HPSE2: variants seen among roughly 807,000 people sequenced by gnomAD.
HPSE2 encodes inactive heparanase-2.
Under a neutral mutation model 60.5 loss-of-function variants are expected in HPSE2, and 38 were observed. The observed-to-expected ratio is 0.63, with a 90% CI of 0.48 to 0.82. The LOEUF (loss-of-function observed/expected upper bound fraction) is 0.82, where lower values mean the gene tolerates loss of function less well. Among genes scored for constraint, HPSE2 ranks in the 40% least tolerant of loss-of-function variants. HPSE2 has a pLI of 0.00. For synonymous variants in HPSE2, 295 were observed against 293.2 expected, an observed-to-expected ratio of 1.01 and a Z score of -0.06; for missense variants, 713 against 740.4, an observed-to-expected ratio of 0.96 and a Z score of 0.43.
chr10:98,515,602 T>C (rs1564932618), intron 9 of HPSE2, among the ~76,000 whole-genome samples: 1 of 152,204 alleles, frequency 6.6e-6, no homozygotes, highest in Non-Finnish European at 1.5e-5. Context: ...CAGTTAAACC[T>C]GAAGGATATA....
chr10:98,868,078 AAAAT>A (rs34543812), intron 3 of HPSE2, among the ~76,000 whole-genome samples: 104,456 of 139,846 alleles, frequency 0.75, 39,018 homozygotes, highest in Admixed American at 0.8. Context: ...AGAAAGAAAG[AAAAT>A]AAATAAATAA....
rs540334928 is a variant in HPSE2 at position 98,741,025 on chromosome 10, CAAT to C, written c.784+2855_784+2857del. Among the ~76,000 whole-genome samples, 9 of 152,120 alleles carry C rather than the reference CAAT, an allele frequency of 5.9e-5. No individual in the cohort carries two copies. The South Asian group carries it at 1.9e-3, about 32-fold the overall frequency. ...AGAAACAGCAAAATAAATCTTCAAA[CAAT>C]AAAATGTATTCTTTAGACTCTAAAA... On this transcript the variant is annotated intron_variant, in intron 4 of 11. Transcript: ENST00000370552.
At chr10:99,045,783 A>C (rs1957841400) in intron 3 of HPSE2, among the ~76,000 whole-genome samples, 1 of 152,176 alleles carries the variant, frequency 6.6e-6, no homozygotes, top group African/African-American at 2.4e-5. Flanking sequence ...AGATTGACTC[A>C]GGAAGAGATT....
intron 7 of HPSE2, among the ~76,000 whole-genome samples, chr10:98,624,313 G>A (rs2133994239): frequency 6.6e-6 from 1 of 152,278 alleles, no homozygotes; most frequent in Non-Finnish European, 1.5e-5. Flanking sequence ...TCATGTGGAA[G>A]GTGGTATCTG....
At chr10:98,753,810 T>C (rs932852297) in intron 3 of HPSE2, among the ~76,000 whole-genome samples, 2 of 152,074 alleles carry the variant, frequency 1.3e-5, no homozygotes, top group East Asian at 1.9e-4. Flanking sequence ...TATACCACAG[T>C]CAAACCTTCA....
At position 99,135,821 on chromosome 10, in the gene HPSE2, T is replaced by A. The variant is rs146578280; in HGVS notation, c.610+8417A>T. 4.1e-3 allele frequency among the ~76,000 whole-genome samples: 623 copies of A among 152,012 alleles called. 6 individuals carry two copies. Among genetic ancestry groups the A allele is most frequent in the African/African-American group, 0.014 (597 of 41,478 alleles). On this transcript the variant is annotated intron_variant, in intron 3 of 11. Transcript: ENST00000370552. The stretch of plus-strand genomic sequence containing the variant: ...AATTCTTTTAATTTTAACATCAAAA[T>A]TAAAAGAATTAGAGAAGCAACAGCA...
chr10:99,079,754 C>T (rs1257229662), intron 3 of HPSE2, among the ~76,000 whole-genome samples: 1 of 152,100 alleles, frequency 6.6e-6, no homozygotes, highest in African/African-American at 2.4e-5. Flanking sequence ...TGGGTTTATT[C>T]ATCCATTCAC....
intron 4 of HPSE2, 41 bp from the exon 5 acceptor site, chr10:98,721,869 A>G: frequency 1.3e-6 from 2 of 1,548,078 alleles, no homozygotes; most frequent in Non-Finnish European, 1.8e-6. Context: ...TGAGAAGTGT[A>G]AGGTTCTGCC....
the HPSE2 span, among the ~76,000 whole-genome samples, chr10:99,298,792 A>G: frequency 9.9e-5 from 15 of 150,932 alleles, no homozygotes; most frequent in Non-Finnish European, 1.9e-4. Flanking sequence ...CTCCTGCCTT[A>G]GCCTCCTGAG....
intron 3 of HPSE2, among the ~76,000 whole-genome samples, chr10:99,054,742 G>A (rs574746759): frequency 5.9e-5 from 9 of 152,094 alleles, no homozygotes; most frequent in African/African-American, 1.4e-4. Context: ...ACGGAGTCTC[G>A]CACTGTGGCC....
intron 3 of HPSE2, among the ~76,000 whole-genome samples, chr10:99,135,746 C>A (rs144250022): frequency 6.6e-6 from 1 of 151,994 alleles, no homozygotes; most frequent in Non-Finnish European, 1.5e-5. Context: ...CAAGAGAAAG[C>A]AGGAAAGATA....
the HPSE2 span, among the ~76,000 whole-genome samples, chr10:99,305,979 G>GCGCGCACACACACACACACACACACACA: frequency 6.0e-4 from 48 of 80,560 alleles, no homozygotes; most frequent in African/African-American, 1.9e-3. Flanking sequence ...GCGCGCGCGC[G>GCGCGCACACACACACACACACACACACA]CACACACACA....
At chr10:99,186,941 C>T (rs371987495) in intron 2 of HPSE2, among the ~76,000 whole-genome samples, 1 of 151,898 alleles carries the variant, frequency 6.6e-6, no homozygotes, top group African/African-American at 2.4e-5. Context: ...CACTCCCATG[C>T]CCAGCTAGTT....
chr10:98,770,579 A>C (rs1463709689), intron 3 of HPSE2, among the ~76,000 whole-genome samples: 1 of 152,146 alleles, frequency 6.6e-6, no homozygotes. Flanking sequence ...TTTTGGCTTG[A>C]GGACTCCCCA....
chr10:98,841,924 A>C (rs1951923765), intron 3 of HPSE2, among the ~76,000 whole-genome samples: 1 of 151,760 alleles, frequency 6.6e-6, no homozygotes, highest in East Asian at 1.9e-4. Flanking sequence ...CTCCTGCCTC[A>C]GCCTCCAGAG....
chr10:99,014,920 C>T (rs111251691), intron 3 of HPSE2, among the ~76,000 whole-genome samples: 15,565 of 152,144 alleles, frequency 0.1, 858 homozygotes, highest in South Asian at 0.18. Flanking sequence ...GCAATCTACT[C>T]ATCTGACAAA....
chr10:98,493,899 A>AT (rs915785120), intron 9 of HPSE2, among the ~76,000 whole-genome samples: 2 of 152,036 alleles, frequency 1.3e-5, no homozygotes, highest in Non-Finnish European at 1.5e-5. Context: ...TTTAGTTGAT[A>AT]TTTTTTAGTG....
chr10:99,288,375 C>CTTT, the HPSE2 span, among the ~76,000 whole-genome samples: 3 of 152,124 alleles, frequency 2.0e-5, no homozygotes, highest in Admixed American at 6.6e-5. Context: ...CAAAAGACTT[C>CTTT]TGCCACTTTA....
At chr10:98,985,245 G>A (rs1189788881) in intron 3 of HPSE2, among the ~76,000 whole-genome samples, 1 of 152,162 alleles carries the variant, frequency 6.6e-6, no homozygotes, top group Admixed American at 6.5e-5. Flanking sequence ...CAGAGAGAAA[G>A]GTCAGGTTAC....
Sources: gnomAD v4.1 joint callset for allele counts (sites outside exome capture counted in the v4.1 genomes callset) on GRCh38, gnomAD v4.1.1 for gene constraint, MANE v1.5 for transcripts, NCBI Gene and HGNC (gene_info 2026-07-23, HGNC 2026-07-21) for gene names.